The following EFNA5 variants were observed in gnomAD, a reference collection of about 807,000 sequenced individuals.
EFNA5 encodes the protein ephrin A5, also known as ephrin-A5.
A neutral mutation model predicts 22.9 loss-of-function variants in EFNA5; 5 were observed. The ratio of observed to expected loss-of-function variants is 0.22; its 90% CI spans 0.11 to 0.46. The LOEUF (loss-of-function observed/expected upper bound fraction) is 0.46. Among genes scored for constraint, EFNA5 ranks in the 20% least tolerant of loss-of-function variants. The pLI, the probability that EFNA5 is intolerant of heterozygous loss-of-function variation, is 0.99. For missense variants in EFNA5, 237 were observed against 293.3 expected, an observed-to-expected ratio of 0.81 and a Z score of 1.40; for synonymous variants, 113 against 112.2, an observed-to-expected ratio of 1.01 and a Z score of -0.04.
At position 107,391,715 on chromosome 5, in the gene EFNA5, G is replaced by A. The variant is rs375784194; in HGVS notation, c.419-3944C>T. 2.2e-4 allele frequency among the ~76,000 whole-genome samples: 34 copies of A among 152,336 alleles called. No individual in the cohort carries two copies. The East Asian group carries it at 2.3e-3, about 10-fold the overall frequency. On this transcript the variant is annotated intron_variant, in intron 2 of 4. Coordinates refer to ENST00000333274, the MANE Select transcript of EFNA5 (RefSeq NM_001962.3). Reference sequence around the variant, plus strand: ...AGGGATATGGGGACAATTAAAACAAGCACAATGTCCCATTCCATTATCTTA... The same window carrying A: ...AGGGATATGGGGACAATTAAAACAAACACAATGTCCCATTCCATTATCTTA...
chr5:107,608,206 G>A (rs1749760996), intron 1 of EFNA5, among the ~76,000 whole-genome samples: 1 of 152,088 alleles, frequency 6.6e-6, no homozygotes, highest in Non-Finnish European at 1.5e-5. Context: ...GACAGATGCC[G>A]GCCTCTAGGT....
At chr5:107,577,140 TG>T (rs1485383100) in intron 1 of EFNA5, among the ~76,000 whole-genome samples, 1 of 152,192 alleles carries the variant, frequency 6.6e-6, no homozygotes, top group African/African-American at 2.4e-5. Flanking sequence ...ACCTTTCACC[TG>T]CAAAATGACT....
At chr5:107,606,258 T>A (rs1184463644) in intron 1 of EFNA5, among the ~76,000 whole-genome samples, 1 of 152,124 alleles carries the variant, frequency 6.6e-6, no homozygotes, top group African/African-American at 2.4e-5. Context: ...ATAATGAACA[T>A]TAAAATTGAT....
intron 1 of EFNA5, among the ~76,000 whole-genome samples, chr5:107,662,000 T>C (rs1410667803): frequency 1.3e-5 from 2 of 151,970 alleles, no homozygotes; most frequent in African/African-American, 4.8e-5. Flanking sequence ...AGTTTTTACA[T>C]ATATAAATAA....
At chr5:107,466,668 C>T (rs1347454272) in intron 1 of EFNA5, among the ~76,000 whole-genome samples, 2 of 152,158 alleles carry the variant, frequency 1.3e-5, no homozygotes, top group Non-Finnish European at 2.9e-5. Flanking sequence ...GTTTGTACAC[C>T]ACTCACTCGG....
At chr5:107,591,918 A>ATATAT (rs1554068220) in intron 1 of EFNA5, among the ~76,000 whole-genome samples, 16 of 6,812 alleles carry the variant, frequency 2.3e-3, no homozygotes, top group African/African-American at 3.9e-3. Flanking sequence ...TATAAAAAAT[A>ATATAT]TATATATAAT....
At chr5:107,594,938 T>A (rs1211750131) in intron 1 of EFNA5, among the ~76,000 whole-genome samples, 3 of 152,212 alleles carry the variant, frequency 2.0e-5, no homozygotes, top group Non-Finnish European at 4.4e-5. Context: ...AGCGGCTAAG[T>A]GGGTGTGCCA....
chr5:107,579,961 CTT>C (rs1360290659), intron 1 of EFNA5, among the ~76,000 whole-genome samples: 10 of 152,192 alleles, frequency 6.6e-5, no homozygotes, highest in African/African-American at 2.2e-4. Context: ...CCATAAATCT[CTT>C]AACAGTTTAC....
At chr5:107,654,717 T>G (rs533847188) in intron 1 of EFNA5, among the ~76,000 whole-genome samples, 1 of 152,140 alleles carries the variant, frequency 6.6e-6, no homozygotes, top group South Asian at 2.1e-4. Context: ...ATTTTAAACA[T>G]GTAAAATACA....
chr5:107,513,008 T>A (rs1747404656), intron 1 of EFNA5, among the ~76,000 whole-genome samples: 1 of 152,128 alleles, frequency 6.6e-6, no homozygotes, highest in Non-Finnish European at 1.5e-5. Context: ...CTCTGCCCCT[T>A]CCTGATGGGT....
At chr5:107,622,635 T>A (rs1055708385) in intron 1 of EFNA5, among the ~76,000 whole-genome samples, 2 of 152,170 alleles carry the variant, frequency 1.3e-5, no homozygotes, top group African/African-American at 4.8e-5. Flanking sequence ...TCAAGCCTTG[T>A]AACAACATCC....
intron 1 of EFNA5, among the ~76,000 whole-genome samples, chr5:107,441,433 A>C (rs2112436096): frequency 6.6e-6 from 1 of 152,194 alleles, no homozygotes; most frequent in African/African-American, 2.4e-5. Flanking sequence ...CTGCAGAAAC[A>C]CCTTTTCCTT....
rs1433136317 is a variant in EFNA5, at chr5:107,380,875, A to G, written c.*380T>C. On this transcript the variant is annotated 3_prime_UTR_variant, in exon 5 of 5. Coordinates refer to ENST00000333274, the MANE Select transcript of EFNA5 (RefSeq NM_001962.3). The stretch of plus-strand genomic sequence containing the variant: ...GCCAGCGCTGGCTGCATCTGCCACT[A>G]TTCTTCCTTGTCCATAGCCCGCTGA... 7 of 409,472 alleles carry G rather than the reference A, an allele frequency of 1.7e-5. No homozygotes were observed. Among genetic ancestry groups the G allele is most frequent in the African/African-American group, 1.4e-4 (7 of 49,380 alleles). 25.4% of individuals were successfully genotyped at this position (409,472 alleles called of 1,614,324 possible).
At chr5:107,565,255 G>C (rs1748641097) in intron 1 of EFNA5, among the ~76,000 whole-genome samples, 1 of 152,180 alleles carries the variant, frequency 6.6e-6, no homozygotes, top group Non-Finnish European at 1.5e-5. Context: ...ATTTTTATGG[G>C]TAACTTTCAA....
chr5:107,492,726 C>G (rs1036120198), intron 1 of EFNA5, among the ~76,000 whole-genome samples: 1 of 152,132 alleles, frequency 6.6e-6, no homozygotes. Flanking sequence ...TGGCCGAGCA[C>G]GGTGGATCAT....
Position 107,403,048 on chromosome 5 carries a change from AG to A in EFNA5, c.419-15278del, listed in dbSNP as rs758525185. On this transcript the variant is annotated intron_variant, in intron 2 of 4. Transcript: ENST00000333274. Reference sequence around the variant, plus strand: ...TGGCCAGCGTGCTGTGCCTCGCAGCAGGGGGGGAAGTGCCACAGCTGTGCCA... The same window carrying A: ...TGGCCAGCGTGCTGTGCCTCGCAGCAGGGGGGAAGTGCCACAGCTGTGCCA... 2.0e-5 allele frequency among the ~76,000 whole-genome samples: 3 copies of A among 152,288 alleles called. No homozygotes were observed. In the South Asian group the frequency reaches 6.2e-4, roughly 32 times the overall value.
chr5:107,487,493 A>G (rs534374219), intron 1 of EFNA5, among the ~76,000 whole-genome samples: 10 of 152,368 alleles, frequency 6.6e-5, no homozygotes, highest in Admixed American at 6.5e-4. Flanking sequence ...AAAGGAAAGA[A>G]GGAATATCTG....
intron 1 of EFNA5, among the ~76,000 whole-genome samples, chr5:107,624,300 A>T (rs1165772244): frequency 5.9e-5 from 9 of 152,190 alleles, no homozygotes; most frequent in Non-Finnish European, 1.2e-4. Context: ...TCTTTAAAAC[A>T]GCCCAATCAG....
intron 1 of EFNA5, among the ~76,000 whole-genome samples, chr5:107,482,868 C>CTATATATATATATA (rs1491566387): frequency 2.3e-5 from 1 of 42,904 alleles, no homozygotes; most frequent in African/African-American, 9.2e-5. Flanking sequence ...CTCTCTCTCT[C>CTATATATATATATA]TCTATATATA....
Sources: allele counts gnomAD v4.1 joint callset (sites outside exome capture counted in the v4.1 genomes callset), GRCh38; gene constraint gnomAD v4.1.1; transcripts MANE v1.5; gene names NCBI Gene and HGNC (gene_info 2026-07-23, HGNC 2026-07-21).